Variants in ARID1B observed in about 807,000 individuals in gnomAD.
ARID1B encodes AT-rich interactive domain-containing protein 1B.
ARID1B carries 30 observed loss-of-function variants against 212.3 expected under a neutral mutation model. The ratio of observed to expected loss-of-function variants is 0.14; its 90% confidence interval spans 0.11 to 0.19. The LOEUF is 0.19. ARID1B is among the 10% of genes least tolerant of loss of function. The probability of loss-of-function intolerance (pLI) is 1.00; values close to 1 mark genes in which losing one functional copy is unlikely to be tolerated. For missense variants in ARID1B, 2,891 were observed against 3,204.0 expected, an observed-to-expected ratio of 0.90 and a Z score of 2.36; for synonymous variants, 1,402 against 1,301.7, an observed-to-expected ratio of 1.08 and a Z score of -1.66.
chr6:157,090,248 C>T (rs754524319), intron 5 of ARID1B, among the ~76,000 whole-genome samples: 2 of 152,148 alleles, frequency 1.3e-5, no homozygotes, highest in South Asian at 2.1e-4. Flanking sequence ...GGGAGCTCAC[C>T]GTGGGGGTGA....
At chr6:157,022,382 A>G (rs530241095) in intron 4 of ARID1B, 1 of 152,392 alleles carries the variant, frequency 6.6e-6, no homozygotes, top group Non-Finnish European at 1.5e-5. Context: ...AGAAACGCCT[A>G]GGCTTGTAAA....
intron 4 of ARID1B, among the ~76,000 whole-genome samples, chr6:156,947,861 T>G (rs1202867563): frequency 6.6e-6 from 1 of 152,318 alleles, no homozygotes; most frequent in East Asian, 1.9e-4. Flanking sequence ...AAATTAAAAT[T>G]AATGATTTCT....
At chr6:156,857,546 T>C (rs1296752869) in intron 2 of ARID1B, among the ~76,000 whole-genome samples, 1 of 152,216 alleles carries the variant, frequency 6.6e-6, no homozygotes, top group Non-Finnish European at 1.5e-5. Flanking sequence ...CAGGGTGTTG[T>C]TGAGCTAGGA....
chr6:156,796,597 A>G (rs113633106), intron 1 of ARID1B, among the ~76,000 whole-genome samples: 2,292 of 152,320 alleles, frequency 0.015, 64 homozygotes, highest in African/African-American at 0.052. Flanking sequence ...AGCAATGAGA[A>G]CATTCTGAAG....
intron 3 of ARID1B, among the ~76,000 whole-genome samples, chr6:156,920,962 C>G (rs914547993): frequency 1.4e-4 from 21 of 151,900 alleles, no homozygotes; most frequent in African/African-American, 5.1e-4. Context: ...TCAAGTGATT[C>G]TCCTGCCTCA....
At chr6:156,972,762 T>C (rs891790869) in intron 4 of ARID1B, among the ~76,000 whole-genome samples, 21 of 152,202 alleles carry the variant, frequency 1.4e-4, no homozygotes, top group Non-Finnish European at 1.5e-5. Context: ...TGATTACAGT[T>C]CTGATGTTCC....
At chr6:157,133,252 A>C (rs1404699434) in intron 7 of ARID1B, 45 bp downstream of exon 7, 3 of 1,525,004 alleles carry the variant, frequency 2.0e-6, no homozygotes, top group African/African-American at 1.4e-5. Flanking sequence ...AAGTTGTAGA[A>C]ATTTTCTTAA....
At chr6:157,123,176 ATCTTTC>A (rs201494559) in intron 6 of ARID1B, among the ~76,000 whole-genome samples, 1,615 of 149,086 alleles carry the variant, frequency 0.011, 15 homozygotes, top group South Asian at 0.038. Context: ...GGATTTTGAG[ATCTTTC>A]TCTGTCTCTG....
intron 4 of ARID1B, among the ~76,000 whole-genome samples, chr6:157,076,740 A>G (rs1784337182): frequency 1.3e-5 from 2 of 152,232 alleles, no homozygotes; most frequent in South Asian, 2.1e-4. Context: ...TGAATCTTAT[A>G]TATTTACAGG....
chr6:156,886,340 C>G (rs1787497918), intron 2 of ARID1B, among the ~76,000 whole-genome samples: 1 of 152,174 alleles, frequency 6.6e-6, no homozygotes, highest in Admixed American at 6.5e-5. Flanking sequence ...TTCCAGGCAC[C>G]TGCCACCATG....
At chr6:157,048,212 A>G (rs1219490541) in intron 4 of ARID1B, among the ~76,000 whole-genome samples, 1 of 152,226 alleles carries the variant, frequency 6.6e-6, no homozygotes, top group Non-Finnish European at 1.5e-5. Flanking sequence ...AATATGCTTA[A>G]AGCCAAGTAG....
chr6:157,167,287 G>C, intron 9 of ARID1B, 102 bp downstream of exon 9: 2 of 1,409,634 alleles, frequency 1.4e-6, no homozygotes, highest in South Asian at 3.0e-5. Flanking sequence ...AGGTGGATCA[G>C]TTGGCGAAAG....
Position 157,039,866 on chromosome 6 carries a change from C to CT in ARID1B, c.2248-44793dup, listed in dbSNP as rs1205999132. On this transcript the variant is annotated intron_variant, in intron 4 of 19. Transcript: ENST00000636930. ...TCTCTCTTTCTCTCTCTTTCTCTCT[C>CT]TTTCTCTTTCTTTTCTCTTCCTTCC... Among the ~76,000 whole-genome samples the CT allele has an allele frequency of 9.5e-4, 113 of 118,848 alleles. 1 individual carries two copies. The highest frequency in any genetic ancestry group is 1.6e-3 in the Admixed American group (18 of 11,498). The allele number at this position is 118,848 out of a possible 152,430, so 78.0% of individuals were successfully genotyped here. A position where few individuals can be genotyped will look rare whatever the true frequency, so the allele number is the denominator to read the frequency against.
chr6:157,195,868 C>T (rs1793680511), intron 15 of ARID1B: 1 of 325,700 alleles, frequency 3.1e-6, no homozygotes, highest in Admixed American at 5.1e-5. Flanking sequence ...CAAGACCAGC[C>T]TGACCTACAT....
chr6:157,034,164 T>C (rs1264336048), intron 4 of ARID1B, among the ~76,000 whole-genome samples: 1 of 152,246 alleles, frequency 6.6e-6, no homozygotes, highest in Non-Finnish European at 1.5e-5. Flanking sequence ...AATTAGAATT[T>C]ATTTTTGACT....
intron 4 of ARID1B, among the ~76,000 whole-genome samples, chr6:156,966,531 T>C (rs1334822560): frequency 6.6e-6 from 1 of 151,092 alleles, no homozygotes; most frequent in Non-Finnish European, 1.5e-5. Context: ...GTAGGTGGTA[T>C]TACAGGCACC....
intron 4 of ARID1B, among the ~76,000 whole-genome samples, chr6:157,062,946 C>G (rs1209016580): frequency 1.3e-5 from 2 of 151,760 alleles, no homozygotes; most frequent in Non-Finnish European, 2.9e-5. Flanking sequence ...CTCAGGTGAT[C>G]CACCCGCCTC....
chr6:156,962,752 G>A (rs1271075696), intron 4 of ARID1B, among the ~76,000 whole-genome samples: 2 of 152,092 alleles, frequency 1.3e-5, no homozygotes, highest in African/African-American at 4.8e-5. Context: ...CAAAGTGTGG[G>A]GATTACAGGT....
In ARID1B at chr6:157,110,473, T is replaced by C; in HGVS notation, c.2493T>C (p.Gly831=). Residue 831 remains glycine (G), a splice_region_variant and synonymous_variant, in exon 6 of 20, where the codon GGT becomes GGC. Coordinates refer to ENST00000636930, the MANE Select transcript of ARID1B (RefSeq NM_001374828.1). ...CACTTTCCCTCCTGTGTTTTACAGG[T>C]AGTCAGATGCCTCCGCAGCCACCCG... ...SGPISPASIP[G]SQMPPQPPGS... is the part of the protein sequence containing the mutation. The C allele has an allele frequency of 1.9e-6, 3 of 1,614,068 alleles. No individual in the cohort carries two copies. The highest frequency in any genetic ancestry group is 2.5e-6 in the Non-Finnish European group (3 of 1,179,986).
Sources: gnomAD v4.1 joint callset for allele counts (sites outside exome capture counted in the v4.1 genomes callset) on GRCh38, gnomAD v4.1.1 for gene constraint, MANE v1.5 for transcripts, NCBI Gene and HGNC (gene_info 2026-07-23, HGNC 2026-07-21) for gene names.